The following FMN1 variants were observed in gnomAD, a reference collection of about 807,000 sequenced individuals.
FMN1 encodes formin 1, also known as formin-1.
A neutral mutation model predicts 132.4 loss-of-function variants in FMN1; 110 were observed. That is an observed-to-expected ratio of 0.83 (90% CI 0.71 to 0.97). The LOEUF (loss-of-function observed/expected upper bound fraction) is 0.97. FMN1 is among the 50% of genes least tolerant of loss of function. The pLI is 0.00. For missense variants in FMN1, 1,792 were observed against 1,705.3 expected (o/e 1.05, Z -0.90); for synonymous variants, 722 against 651.7 (o/e 1.11, Z -1.64).
intron 17 of FMN1, among the ~76,000 whole-genome samples, chr15:32,848,724 A>C (rs1482530483): frequency 2.0e-5 from 3 of 152,032 alleles, no homozygotes; most frequent in African/African-American, 7.3e-5. Flanking sequence ...ATTGTTTTTC[A>C]AAAAAAATTT....
intron 16 of FMN1, among the ~76,000 whole-genome samples, chr15:32,887,203 C>G (rs1041376215): frequency 1.3e-5 from 2 of 152,144 alleles, no homozygotes; most frequent in African/African-American, 2.4e-5. Context: ...TCACAATAAA[C>G]ATTTTAAAAA....
intron 13 of FMN1, among the ~76,000 whole-genome samples, chr15:32,900,913 G>T (rs2060279050): frequency 6.6e-6 from 1 of 152,142 alleles, no homozygotes; most frequent in South Asian, 2.1e-4. Context: ...CAGCACGTTG[G>T]GAGGCCGAGG....
chr15:32,960,050 A>G (rs2140561689), intron 9 of FMN1, among the ~76,000 whole-genome samples: 1 of 152,336 alleles, frequency 6.6e-6, no homozygotes, highest in East Asian at 1.9e-4. Flanking sequence ...GCTTCTATAG[A>G]TGGCATTTAA....
In FMN1 at chr15:32,970,519, A is replaced by G. The variant is rs375197427; in HGVS notation, c.2224-1042T>C. ...ATGGATGGATAAAAATCACTGGGAT[A>G]GTTATATTCACTGTCATTGTCACTG... On this transcript the variant is annotated intron_variant, in intron 7 of 20. Coordinates refer to ENST00000616417, the MANE Select transcript of FMN1 (RefSeq NM_001277313.2). 3.3e-5 allele frequency among the ~76,000 whole-genome samples: 5 copies of G among 152,196 alleles called. No individual in the cohort carries two copies. The South Asian group carries it at 6.2e-4, about 19-fold the overall frequency.
chr15:33,098,601 G>C (rs1296538531), intron 4 of FMN1, among the ~76,000 whole-genome samples: 1 of 152,202 alleles, frequency 6.6e-6, no homozygotes, highest in African/African-American at 2.4e-5. Context: ...AGGGCTTTCA[G>C]TTAGCTTTTT....
intron 6 of FMN1, among the ~76,000 whole-genome samples, chr15:33,009,003 A>G (rs2034565173): frequency 6.6e-6 from 1 of 152,194 alleles, no homozygotes; most frequent in African/African-American, 2.4e-5. Flanking sequence ...CAGGCATGAA[A>G]GTTTGTGTTT....
intron 5 of FMN1, among the ~76,000 whole-genome samples, chr15:33,086,767 C>G (rs1283980923): frequency 6.6e-6 from 1 of 152,214 alleles, no homozygotes; most frequent in Non-Finnish European, 1.5e-5. Flanking sequence ...AAAAACTTTA[C>G]TAATTCTCAT....
intron 17 of FMN1, among the ~76,000 whole-genome samples, chr15:32,806,730 C>T (rs995384134): frequency 2.6e-5 from 4 of 152,228 alleles, no homozygotes; most frequent in Admixed American, 6.5e-5. Context: ...GATCTTTGCA[C>T]TTGCTGTTCC....
chr15:32,788,395 T>A (rs1468173310), intron 19 of FMN1, among the ~76,000 whole-genome samples: 1 of 152,212 alleles, frequency 6.6e-6, no homozygotes, highest in Non-Finnish European at 1.5e-5. Context: ...ACATTTCCAA[T>A]CCCGATAATG....
intron 16 of FMN1, among the ~76,000 whole-genome samples, chr15:32,866,831 T>C (rs28600268): frequency 0.24 from 36,374 of 152,086 alleles, 4,580 homozygotes; most frequent in Non-Finnish European, 0.28. Flanking sequence ...TACTTCTCCT[T>C]TGTAAAACAC....
At chr15:32,858,859 C>T (rs1436661275) in intron 16 of FMN1, among the ~76,000 whole-genome samples, 1 of 152,176 alleles carries the variant, frequency 6.6e-6, no homozygotes, top group East Asian at 1.9e-4. Flanking sequence ...TGAGATTACC[C>T]TTCACCTCTT....
chr15:32,882,979 A>G (rs761506109), intron 16 of FMN1, among the ~76,000 whole-genome samples: 1 of 152,252 alleles, frequency 6.6e-6, no homozygotes, highest in African/African-American at 2.4e-5. Flanking sequence ...AAGAAGCCAG[A>G]ATCAAAGAGG....
At chr15:32,965,504 T>TA (rs2031125273) in intron 8 of FMN1, among the ~76,000 whole-genome samples, 1 of 152,192 alleles carries the variant, frequency 6.6e-6, no homozygotes, top group Non-Finnish European at 1.5e-5. Flanking sequence ...CATCTAAAAG[T>TA]ATATAGCTTT....
At chr15:32,880,740 C>A (rs758021020) in intron 16 of FMN1, among the ~76,000 whole-genome samples, 5 of 152,244 alleles carry the variant, frequency 3.3e-5, no homozygotes, top group Middle Eastern at 6.8e-3. Context: ...CTTCAGAATC[C>A]TGATGCATTT....
intron 3 of FMN1, among the ~76,000 whole-genome samples, chr15:33,167,008 CAGTAAAAATCT>C (rs11273334): frequency 0.29 from 44,241 of 151,740 alleles, 10,787 homozygotes; most frequent in African/African-American, 0.67. Flanking sequence ...TGTGGACAAG[CAGTAAAAATCT>C]AGTAAAAATT....
chr15:32,939,045 T>G (rs1398276773), intron 9 of FMN1, among the ~76,000 whole-genome samples: 1 of 152,224 alleles, frequency 6.6e-6, no homozygotes, highest in African/African-American at 2.4e-5. Context: ...CACTAAGCAC[T>G]GGTATTGTGT....
chr15:33,180,744 C>CTTTTTTT (rs35033683), intron 2 of FMN1, among the ~76,000 whole-genome samples: 1 of 108,244 alleles, frequency 9.2e-6, no homozygotes. Context: ...CTCCTGCTGC[C>CTTTTTTT]TTTTTTTTTT....
chr15:32,972,674 G>A (rs1431817910), intron 7 of FMN1, among the ~76,000 whole-genome samples: 1 of 151,998 alleles, frequency 6.6e-6, no homozygotes, highest in Non-Finnish European at 1.5e-5. Flanking sequence ...GGTTCTCTTG[G>A]CATCTTCCTT....
chr15:33,144,637 GAAAAA>G (rs10606867), intron 4 of FMN1, among the ~76,000 whole-genome samples: 1 of 101,126 alleles, frequency 9.9e-6, no homozygotes. Flanking sequence ...GACTCCGTCT[GAAAAA>G]AAAAAAAAAA....
Sources: gnomAD v4.1 joint callset for allele counts (sites outside exome capture counted in the v4.1 genomes callset) on GRCh38, gnomAD v4.1.1 for gene constraint, MANE v1.5 for transcripts, NCBI Gene and HGNC (gene_info 2026-07-23, HGNC 2026-07-21) for gene names.